The following S100A10 variants were observed in gnomAD, a reference collection of about 807,000 sequenced individuals.
S100A10 encodes the protein S100 calcium binding protein A10.
In S100A10, 3 loss-of-function variants were observed where a neutral mutation model predicts 7.1. The observed-to-expected ratio is 0.42, with a 90% CI of 0.19 to 1.10. S100A10 has a LOEUF of 1.10. Ranked by LOEUF, S100A10 falls within the 50% of genes least tolerant of loss-of-function variation. The pLI, the probability that S100A10 is intolerant of heterozygous loss-of-function variation, is 0.29. For missense variants in S100A10, 101 were observed against 118.1 expected (o/e 0.86, Z 0.67); for synonymous variants, 41 against 39.3 (o/e 1.04, Z -0.16).
intron 1 of S100A10, among the ~76,000 whole-genome samples, chr1:151,990,628 A>T (rs1655885568): frequency 6.6e-6 from 1 of 152,184 alleles, no homozygotes; most frequent in Non-Finnish European, 1.5e-5. Flanking sequence ...TCCCTCCCTG[A>T]GCACCTACTT....
rs75140674 is a variant in S100A10, at chr1:151,993,008, C to A, written c.-22+744G>T. Among the ~76,000 whole-genome samples, 4,967 of 152,310 alleles carry A rather than the reference C, an allele frequency of 0.033. 85 individuals carry two copies. Among genetic ancestry groups the A allele is most frequent in the African/African-American group, 0.047 (1,944 of 41,558 alleles). On this transcript the variant is annotated intron_variant, in intron 1 of 2. Coordinates refer to ENST00000368811, the MANE Select transcript of S100A10 (RefSeq NM_002966.3). This position sits in a 1 kb window ranked among gnomAD's most constrained non-coding sequence, Gnocchi z 5.1. ...CCAAATTAATCTATGATTGGAAGAT[C>A]CTTCATCAAGCCTGCTCTTCCTCCA...
At chr1:151,989,681 G>A (rs948893154) in intron 1 of S100A10, among the ~76,000 whole-genome samples, 18 of 152,366 alleles carry the variant, frequency 1.2e-4, no homozygotes, top group African/African-American at 4.3e-4. Context: ...GCCCAACTGA[G>A]TCAGCCCTGC....
chr1:151,987,827 CTATAT>C (rs1655826775), intron 1 of S100A10, among the ~76,000 whole-genome samples: 1 of 152,200 alleles, frequency 6.6e-6, no homozygotes, highest in African/African-American at 2.4e-5. Context: ...TATGCCCGGC[CTATAT>C]GTATTCTTTA....
chr1:151,989,539 C>T (rs1027265605), intron 1 of S100A10, among the ~76,000 whole-genome samples: 3 of 152,208 alleles, frequency 2.0e-5, no homozygotes, highest in African/African-American at 7.2e-5. Context: ...GCAAGGAACT[C>T]TGTTTTGGGG....
intron 1 of S100A10, among the ~76,000 whole-genome samples, chr1:151,987,398 T>C (rs553951962): frequency 6.6e-6 from 1 of 152,300 alleles, no homozygotes; most frequent in African/African-American, 2.4e-5. Context: ...ATATGGCTGA[T>C]ACTAACAATC....
chr1:151,985,798 G>T lies in S100A10; in HGVS notation c.132+301C>A, dbSNP rs373694318. Among the ~76,000 whole-genome samples the T allele has an allele frequency of 4.3e-4, 66 of 152,274 alleles. 2 individuals carry two copies. The highest frequency in any genetic ancestry group is 1.6e-3 in the African/African-American group (65 of 41,546). ...ACCCGATGGAATTTTCCAACAAACA[G>T]CTCATATTGTGGTTATTTGTATGCA... On this transcript the variant is annotated intron_variant, in intron 2 of 2. Transcript: ENST00000368811.
At chr1:151,992,815 A>G (rs1319845246) in intron 1 of S100A10, among the ~76,000 whole-genome samples, 1 of 152,184 alleles carries the variant, frequency 6.6e-6, no homozygotes, top group African/African-American at 2.4e-5. Flanking sequence ...AGCGCTCTGC[A>G]TTCCACCCCA....
At chr1:151,983,714 T>C (rs1257875154) in intron 2 of S100A10, among the ~76,000 whole-genome samples, 2 of 152,318 alleles carry the variant, frequency 1.3e-5, no homozygotes, top group African/African-American at 2.4e-5. Flanking sequence ...GTGTTAATGA[T>C]GCCATGGGTT....
chr1:151,992,091 G>C (rs1051376973), intron 1 of S100A10, among the ~76,000 whole-genome samples: 7 of 152,208 alleles, frequency 4.6e-5, no homozygotes, highest in Admixed American at 4.6e-4. Context: ...CCATTTGGAA[G>C]GGATGATTAA....
At chr1:151,987,896 G>T (rs1342346583) in intron 1 of S100A10, among the ~76,000 whole-genome samples, 1 of 152,230 alleles carries the variant, frequency 6.6e-6, no homozygotes, top group Admixed American at 6.5e-5. Context: ...ATCTCTGGCA[G>T]TAAAATACAG....
chr1:151,989,919 C>T (rs1655871080), intron 1 of S100A10, among the ~76,000 whole-genome samples: 1 of 152,228 alleles, frequency 6.6e-6, no homozygotes, highest in Non-Finnish European at 1.5e-5. Flanking sequence ...TCCTCTCTAT[C>T]CCCAATAACG....
chr1:151,993,778 G>A lies in S100A10; in HGVS notation c.-48C>T, dbSNP rs111637340. On this transcript the variant is annotated 5_prime_UTR_variant, in exon 1 of 3. Transcript: ENST00000368811. This position sits in a 1 kb window ranked among gnomAD's most constrained non-coding sequence, Gnocchi z 5.1. The stretch of plus-strand genomic sequence containing the variant: ...TTGGCCGAGGCGCGGCGGACGCTGG[G>A]CGAGCTGGGCGAGCTGGACGCGGGG... 3.2e-5 allele frequency: 5 copies of A among 156,414 alleles called. No homozygotes were observed. The highest frequency in any genetic ancestry group is 1.2e-4 in the African/African-American group (5 of 41,472). 9.7% of individuals were successfully genotyped at this position (156,414 alleles called of 1,614,324 possible).
Position 151,986,222 on chromosome 1 carries a change from A to T in S100A10, c.9T>A (p.Ser3=). The T allele has an allele frequency of 2.5e-6, 4 of 1,604,232 alleles. No homozygotes were observed. Among genetic ancestry groups the T allele is most frequent in the Non-Finnish European group, 3.4e-6 (4 of 1,176,860 alleles). The change falls in exon 2 of 3, where the codon TCT becomes TCA. Residue 3 remains serine, a synonymous_variant. Coordinates refer to ENST00000368811, the MANE Select transcript of S100A10 (RefSeq NM_002966.3). The part of the protein sequence containing the change: MP[S]QMEHAMETMM... ...TGGTTTCCATGGCGTGTTCCATTTG[A>T]GATGGCATTTTGGTGTGGTCCGTTG...
chr1:151,987,014 C>T (rs1355940069), intron 1 of S100A10, among the ~76,000 whole-genome samples: 1 of 141,318 alleles, frequency 7.1e-6, no homozygotes, highest in African/African-American at 2.6e-5. Flanking sequence ...AGAAAAGCAA[C>T]ATCAGTGTTC....
intron 2 of S100A10, among the ~76,000 whole-genome samples, chr1:151,983,784 G>A (rs1414374728): frequency 6.6e-6 from 1 of 152,174 alleles, no homozygotes; most frequent in Admixed American, 6.5e-5. Context: ...AAGCTAGTGT[G>A]GCTTCATATC....
In S100A10 at chr1:151,986,314, A is replaced by T. The variant is rs1047931487; in HGVS notation, c.-21-63T>A. 3 of 1,162,620 alleles carry T rather than the reference A, an allele frequency of 2.6e-6. No individual in the cohort carries two copies. In the African/African-American group the frequency reaches 4.8e-5, roughly 19 times the overall value. 72.0% of individuals were successfully genotyped at this position (1,162,620 alleles called of 1,614,324 possible). A position where few individuals can be genotyped will look rare whatever the true frequency, so the allele number is the denominator to read the frequency against. On this transcript the variant is annotated intron_variant, in intron 1 of 2. Coordinates refer to ENST00000368811, the MANE Select transcript of S100A10 (RefSeq NM_002966.3). ...TTTTTTTGGCAGACTTTATGCATGAATTTATTTTTTTTAAATTGAAAGATA... is the reference window on the plus strand; with the variant it reads ...TTTTTTTGGCAGACTTTATGCATGATTTTATTTTTTTTAAATTGAAAGATA...
rs1655957012 is a variant in S100A10, at chr1:151,993,600, A to G, written c.-22+152T>C. 6.6e-6 allele frequency among the ~76,000 whole-genome samples: 1 copy of G among 151,988 alleles called. No individual in the cohort carries two copies. The highest frequency in any genetic ancestry group is 1.5e-5 in the Non-Finnish European group (1 of 67,962). On this transcript the variant is annotated intron_variant, in intron 1 of 2. Transcript: ENST00000368811. This position sits in a 1 kb window ranked among gnomAD's most constrained non-coding sequence, Gnocchi z 5.1. ...CTGGCCTCGTTTGGGTGTGGCCCGG[A>G]GCACTGAGCAGCGGATTCCCCACCA...
intron 2 of S100A10, chr1:151,984,262 C>T (rs1197935822): frequency 1.3e-5 from 2 of 152,122 alleles, no homozygotes; most frequent in Non-Finnish European, 2.9e-5. Flanking sequence ...GAAAATGATA[C>T]GCAGTGTTTC....
At chr1:151,989,801 C>T (rs1247283168) in intron 1 of S100A10, among the ~76,000 whole-genome samples, 2 of 152,186 alleles carry the variant, frequency 1.3e-5, no homozygotes, top group Admixed American at 6.5e-5. Context: ...TCCACCCTCA[C>T]GTAGCCACTC....
Sources: gnomAD v4.1 joint callset for allele counts (sites outside exome capture counted in the v4.1 genomes callset) on GRCh38, gnomAD v4.1.1 for gene constraint, Gnocchi (gnomAD v3.1) non-coding constraint, MANE v1.5 for transcripts, NCBI Gene and HGNC (gene_info 2026-07-23, HGNC 2026-07-21) for gene names.